Variants in BIRC6 observed in about 807,000 individuals in gnomAD.
BIRC6 encodes baculoviral IAP repeat containing 6.
BIRC6 carries 98 observed loss-of-function variants against 503.3 expected under a neutral mutation model. The ratio of observed to expected loss-of-function variants is 0.19; its 90% confidence interval spans 0.17 to 0.23. The LOEUF is 0.23. Among genes scored for constraint, BIRC6 ranks in the 10% least tolerant of loss-of-function variants. The pLI, the probability that BIRC6 is intolerant of heterozygous loss-of-function variation, is 1.00. For synonymous variants in BIRC6, 2,240 were observed against 2,078.7 expected (o/e 1.08, Z -2.11); for missense variants, 5,360 against 5,806.0 (o/e 0.92, Z 2.50).
chr2:32,463,874 G>A lies in BIRC6; in HGVS notation c.4941+493G>A, dbSNP rs2048257423. On this transcript the variant is annotated intron_variant, in intron 24 of 73. Transcript: ENST00000421745. Reference sequence around the variant, plus strand: ...CTGCACAGCAAGATGTGAGCGGTGGGCAAGCAAGCACCACCTGAGCTCCAT... The same window carrying A: ...CTGCACAGCAAGATGTGAGCGGTGGACAAGCAAGCACCACCTGAGCTCCAT... Among the ~76,000 whole-genome samples the A allele has an allele frequency of 2.0e-5, 3 of 152,182 alleles. No individual in the cohort carries two copies. In the South Asian group the frequency reaches 6.2e-4, roughly 32 times the overall value.
At chr2:32,467,076 G>A (rs1249861098) in intron 26 of BIRC6, among the ~76,000 whole-genome samples, 2 of 147,400 alleles carry the variant, frequency 1.4e-5, no homozygotes, top group Non-Finnish European at 3.0e-5. Flanking sequence ...CAGAGATCGC[G>A]CCACTGCACT....
At chr2:32,532,681 A>G (rs2150056037) in intron 61 of BIRC6, among the ~76,000 whole-genome samples, 1 of 152,292 alleles carries the variant, frequency 6.6e-6, no homozygotes, top group South Asian at 2.1e-4. Context: ...TTGCTTCCCT[A>G]GTATTCAAAA....
At chr2:32,460,186 CAT>C (rs1488431800) in intron 23 of BIRC6, among the ~76,000 whole-genome samples, 5 of 118,774 alleles carry the variant, frequency 4.2e-5, no homozygotes, top group South Asian at 2.7e-4. Flanking sequence ...ATATATATCT[CAT>C]ATGTGATATA....
At chr2:32,527,873 C>T (rs533643993) in intron 59 of BIRC6, 2 of 152,244 alleles carry the variant, frequency 1.3e-5, no homozygotes, top group South Asian at 2.1e-4. Flanking sequence ...CAAGATAACA[C>T]CACAGAAAAG....
At chr2:32,474,052 G>A (rs903808836) in intron 33 of BIRC6, among the ~76,000 whole-genome samples, 4 of 151,778 alleles carry the variant, frequency 2.6e-5, no homozygotes, top group Non-Finnish European at 5.9e-5. Flanking sequence ...CACTGTGTCC[G>A]GCCACACAAT....
intron 59 of BIRC6, chr2:32,528,424 A>G (rs2710613): frequency 0.42 from 63,480 of 151,944 alleles, 13,332 homozygotes; most frequent in Non-Finnish European, 0.44. Flanking sequence ...GGGTTTCACC[A>G]TGTTGACCAG....
rs1476889562 is a variant in BIRC6, at chr2:32,539,151, C to T, written c.12292-4090C>T. ...TTAAATCACTATGAAAGTATTAATTCAGAATAAGTCATAACAATCCTAAAT... is the reference window on the plus strand; with the variant it reads ...TTAAATCACTATGAAAGTATTAATTTAGAATAAGTCATAACAATCCTAAAT... On this transcript the variant is annotated intron_variant, in intron 61 of 73. Coordinates refer to ENST00000421745, the MANE Select transcript of BIRC6 (RefSeq NM_016252.4). Among the ~76,000 whole-genome samples the T allele has an allele frequency of 2.0e-5, 3 of 152,102 alleles. No homozygotes were observed. In the East Asian group the frequency reaches 5.8e-4, roughly 29 times the overall value.
chr2:32,408,103 G>A (rs968536050), intron 9 of BIRC6, among the ~76,000 whole-genome samples: 2 of 152,068 alleles, frequency 1.3e-5, no homozygotes, highest in African/African-American at 4.8e-5. Context: ...GAGTAGCTGG[G>A]ATTATAGGTG....
In BIRC6 at chr2:32,435,533, C is replaced by T; in HGVS notation, c.3447C>T (p.Ser1149=). The T allele has an allele frequency of 6.4e-7, 1 of 1,554,708 alleles. No homozygotes were observed. Among genetic ancestry groups the T allele is most frequent in the Non-Finnish European group, 8.7e-7 (1 of 1,148,076 alleles). Residue 1149 remains serine (S), a synonymous_variant, in exon 14 of 74, where the codon TCC becomes TCT. Coordinates refer to ENST00000421745, the MANE Select transcript of BIRC6 (RefSeq NM_016252.4). ...NIEVEQNGKP[S]LVDLNEEMQH... ...AAGTGGAACAAAATGGGAAACCGTCCCTGGTTGATTTGAATGAAGAAATGC... is the reference window on the plus strand; with the variant it reads ...AAGTGGAACAAAATGGGAAACCGTCTCTGGTTGATTTGAATGAAGAAATGC...
chr2:32,547,247 GACTTTTTAGGCT>G, intron 63 of BIRC6, among the ~76,000 whole-genome samples: 1 of 152,182 alleles, frequency 6.6e-6, no homozygotes, highest in East Asian at 1.9e-4. Flanking sequence ...TTGAGTCATT[GACTTTTTAGGCT>G]CTAAGGTGGT....
At chr2:32,513,325 G>A (rs923259287) in intron 54 of BIRC6, among the ~76,000 whole-genome samples, 171 bp downstream of exon 54, 1 of 152,150 alleles carries the variant, frequency 6.6e-6, no homozygotes, top group Non-Finnish European at 1.5e-5. Context: ...ATTTATCTTT[G>A]TGTTTTAAGA....
At chr2:32,370,061 T>TACACACACACACAC (rs71820292) in intron 1 of BIRC6, among the ~76,000 whole-genome samples, 2 of 140,908 alleles carry the variant, frequency 1.4e-5, no homozygotes, top group African/African-American at 5.3e-5. Context: ...TGTGTATGTA[T>TACACACACACACAC]ACACACACAC....
In BIRC6 at chr2:32,503,063, A is replaced by G. The variant is rs2053383497; in HGVS notation, c.9326A>G (p.Asn3109Ser). 2 of 1,603,486 alleles carry G rather than the reference A, an allele frequency of 1.2e-6. No individual in the cohort carries two copies. Among genetic ancestry groups the G allele is most frequent in the East Asian group, 2.2e-5 (1 of 44,684 alleles). Residue 3109 changes from asparagine to serine, a missense_variant, in exon 49 of 74, where the codon AAT becomes AGT. By Grantham distance (46) the Asn-to-Ser change is conservative. This residue lies in a region of BIRC6 where 267 missense variants were observed against 287.6 expected (regional missense o/e 0.93). Coordinates refer to ENST00000421745, the MANE Select transcript of BIRC6 (RefSeq NM_016252.4). ...HDMGGVQLICNNMVTSTRAIV... is the reference protein window; with the variant it reads ...HDMGGVQLICSNMVTSTRAIV... ...TTAGGTGGTGTTCAGCTCATATGCAATAATATGGTTACTAGTACAAGGGCT... is the reference window on the plus strand; with the variant it reads ...TTAGGTGGTGTTCAGCTCATATGCAGTAATATGGTTACTAGTACAAGGGCT...
chr2:32,500,806 T>C (rs946406403), intron 46 of BIRC6, among the ~76,000 whole-genome samples: 1 of 151,958 alleles, frequency 6.6e-6, no homozygotes, highest in African/African-American at 2.4e-5. Flanking sequence ...GGTTATGCCA[T>C]GTTGGGCAAG....
At chr2:32,414,306 T>C (rs2042195704) in intron 9 of BIRC6, among the ~76,000 whole-genome samples, 1 of 152,126 alleles carries the variant, frequency 6.6e-6, no homozygotes, top group Non-Finnish European at 1.5e-5. Flanking sequence ...ATAAAAAATG[T>C]TTTCCATCTG....
Position 32,490,125 on chromosome 2 carries a change from C to T in BIRC6, c.8180C>T (p.Thr2727Ile). 6.2e-7 allele frequency: 1 copy of T among 1,610,306 alleles called. No homozygotes were observed. The change falls in exon 43 of 74, where the codon ACA becomes ATA. Residue 2727 changes from threonine (T) to isoleucine (I), a missense_variant. Physicochemically the swap from Thr to Ile is moderately conservative, Grantham distance 89 (BLOSUM62 -1). Transcript: ENST00000421745. The part of the protein sequence containing the change: ...RTWCLVLHSL[T>I]LMTNMQLNSG... ...TGGTGCCTTGTGCTTCATAGCCTAA[C>T]ACTCATGACAAACATGCAGCTTAAT...
At chr2:32,456,936 A>G (rs556740457) in intron 23 of BIRC6, among the ~76,000 whole-genome samples, 17 of 151,964 alleles carry the variant, frequency 1.1e-4, no homozygotes, top group South Asian at 8.3e-4. Context: ...ATTATCTTTT[A>G]TTATTATTTT....
chr2:32,399,174 C>T (rs2040321817), intron 6 of BIRC6, among the ~76,000 whole-genome samples: 1 of 152,054 alleles, frequency 6.6e-6, no homozygotes, highest in Admixed American at 6.6e-5. Flanking sequence ...CAACCCTTGC[C>T]TCCCAGGTTC....
Position 32,465,142 on chromosome 2 carries a change from T to C in BIRC6, c.5334T>C (p.Ile1778=). The C allele has an allele frequency of 6.3e-7, 1 of 1,587,142 alleles. No individual in the cohort carries two copies. The highest frequency in any genetic ancestry group is 8.6e-7 in the Non-Finnish European group (1 of 1,164,000). The change falls in exon 26 of 74, where the codon ATT becomes ATC. Residue 1778 remains isoleucine, a synonymous_variant. Coordinates refer to ENST00000421745, the MANE Select transcript of BIRC6 (RefSeq NM_016252.4). ...HFLQPPPHQS[I]IIERMHSGAR... The stretch of plus-strand genomic sequence containing the variant: ...TTCAACCTCCGCCTCACCAGTCCAT[T>C]ATTATAGAGCGAATGCATTCAGGTA...
Sources: gnomAD v4.1 joint callset for allele counts (sites outside exome capture counted in the v4.1 genomes callset) on GRCh38, gnomAD v4.1.1 for gene constraint, gnomAD v4.1.1 regional missense constraint, MANE v1.5 for transcripts, NCBI Gene and HGNC (gene_info 2026-07-23, HGNC 2026-07-21) for gene names.